GRM3: variants seen among roughly 807,000 people sequenced by gnomAD.
GRM3 encodes the protein metabotropic glutamate receptor 3.
A neutral mutation model predicts 70.5 loss-of-function variants in GRM3; 26 were observed. The observed-to-expected ratio is 0.37, with a 90% CI of 0.27 to 0.51. GRM3 has a LOEUF of 0.51. Ranked by LOEUF, GRM3 falls within the 20% of genes least tolerant of loss-of-function variation. The pLI is 0.93. For missense variants in GRM3, 859 were observed against 1,123.8 expected (o/e 0.76, Z 3.37); for synonymous variants, 443 against 434.9 (o/e 1.02, Z -0.23).
chr7:86,656,421 G>T (rs548271868), intron 1 of GRM3, among the ~76,000 whole-genome samples: 2 of 151,486 alleles, frequency 1.3e-5, no homozygotes, highest in South Asian at 2.1e-4. Flanking sequence ...GGCATGCACC[G>T]CCACGGCTGG....
intron 3 of GRM3, among the ~76,000 whole-genome samples, chr7:86,804,202 T>A (rs978262317): frequency 6.6e-6 from 1 of 152,124 alleles, no homozygotes; most frequent in Admixed American, 6.5e-5. Context: ...GTTATGATTG[T>A]CACTGGAGAT....
intron 1 of GRM3, among the ~76,000 whole-genome samples, chr7:86,747,343 C>T (rs1796126018): frequency 6.6e-6 from 1 of 151,972 alleles, no homozygotes; most frequent in Non-Finnish European, 1.5e-5. Context: ...AAAGGGATTT[C>T]AAAGCCATTA....
chr7:86,772,412 G>T (rs556249854), intron 2 of GRM3, among the ~76,000 whole-genome samples: 1 of 152,214 alleles, frequency 6.6e-6, no homozygotes, highest in South Asian at 2.1e-4. Context: ...GACAGACAAT[G>T]TTGCAAGGCG....
chr7:86,854,419 A>C (rs1798810632), intron 5 of GRM3, among the ~76,000 whole-genome samples: 1 of 152,198 alleles, frequency 6.6e-6, no homozygotes, highest in South Asian at 2.1e-4. Flanking sequence ...GACATGAAAG[A>C]ATGAACATGG....
At chr7:86,737,134 T>C (rs1795881167) in intron 1 of GRM3, among the ~76,000 whole-genome samples, 1 of 152,086 alleles carries the variant, frequency 6.6e-6, no homozygotes. Context: ...AAAACAGAAA[T>C]AAGCAAAACC....
intron 1 of GRM3, among the ~76,000 whole-genome samples, chr7:86,724,602 T>A (rs902444572): frequency 1.3e-5 from 2 of 152,116 alleles, no homozygotes; most frequent in Non-Finnish European, 2.9e-5. Context: ...GAATCAGTGT[T>A]CCTAACATTC....
chr7:86,817,750 C>A (rs1798044413), intron 3 of GRM3, among the ~76,000 whole-genome samples: 1 of 151,890 alleles, frequency 6.6e-6, no homozygotes, highest in Non-Finnish European at 1.5e-5. Flanking sequence ...TACCTTCTAG[C>A]CTACATTAAA....
intron 2 of GRM3, among the ~76,000 whole-genome samples, chr7:86,773,699 T>G (rs1796804469): frequency 6.6e-6 from 1 of 152,108 alleles, no homozygotes; most frequent in Non-Finnish European, 1.5e-5. Context: ...GGCAATGCCA[T>G]TCAAGGACTT....
At chr7:86,650,850 C>T (rs568384532) in intron 1 of GRM3, among the ~76,000 whole-genome samples, 1 of 152,252 alleles carries the variant, frequency 6.6e-6, no homozygotes, top group East Asian at 1.9e-4. Flanking sequence ...ACCTACTTCC[C>T]ACCAGGAAAA....
intron 3 of GRM3, among the ~76,000 whole-genome samples, chr7:86,809,292 C>T (rs1403111097): frequency 6.6e-6 from 1 of 151,932 alleles, no homozygotes; most frequent in Admixed American, 6.6e-5. Context: ...ACAGTACTTA[C>T]CAAAATAATA....
intron 5 of GRM3, among the ~76,000 whole-genome samples, chr7:86,861,623 A>T (rs1351164388): frequency 6.6e-6 from 1 of 152,192 alleles, no homozygotes; most frequent in Non-Finnish European, 1.5e-5. Context: ...ATTCCTAGAG[A>T]GGCAAAGGCT....
At chr7:86,825,728 T>C (rs769851626) in intron 3 of GRM3, among the ~76,000 whole-genome samples, 1 of 152,246 alleles carries the variant, frequency 6.6e-6, no homozygotes, top group Admixed American at 6.5e-5. Flanking sequence ...CTTCTTTATA[T>C]AAAGAAGTCT....
chr7:86,683,333 GA>G (rs1794486549), intron 1 of GRM3, among the ~76,000 whole-genome samples: 1 of 152,144 alleles, frequency 6.6e-6, no homozygotes, highest in South Asian at 2.1e-4. Flanking sequence ...TGGAGCAGAG[GA>G]AATAACAAGT....
intron 3 of GRM3, among the ~76,000 whole-genome samples, chr7:86,797,539 G>C (rs1283947343): frequency 6.6e-6 from 1 of 152,158 alleles, no homozygotes; most frequent in Non-Finnish European, 1.5e-5. Context: ...AAGGCATTCA[G>C]TTTTATGTAC....
At chr7:86,749,739 A>G (rs1796186554) in intron 1 of GRM3, among the ~76,000 whole-genome samples, 1 of 152,200 alleles carries the variant, frequency 6.6e-6, no homozygotes, top group East Asian at 1.9e-4. Context: ...AATATGTTCT[A>G]GGAAAGAGAA....
At chr7:86,731,158 A>G (rs1330147032) in intron 1 of GRM3, among the ~76,000 whole-genome samples, 1 of 152,074 alleles carries the variant, frequency 6.6e-6, no homozygotes, top group Non-Finnish European at 1.5e-5. Context: ...ATTTCCATCT[A>G]TCTTTTGGAT....
chr7:86,847,037 A>C (rs1233881360), intron 4 of GRM3, among the ~76,000 whole-genome samples: 1 of 152,190 alleles, frequency 6.6e-6, no homozygotes, highest in Non-Finnish European at 1.5e-5. Flanking sequence ...ACAGGGTTAC[A>C]CAAAGTAGTC....
Position 86,839,822 on chromosome 7 carries a change from T to G in GRM3, c.2308T>G (p.Phe770Val). 3 of 1,614,106 alleles carry G rather than the reference T, an allele frequency of 1.9e-6. No homozygotes were observed. The highest frequency in any genetic ancestry group is 2.5e-6 in the Non-Finnish European group (3 of 1,179,948). Reference protein sequence around the residue: ...KCPENFNEAKFIGFTMYTTCI... With the variant: ...KCPENFNEAKVIGFTMYTTCI... ...CCCAGAAAATTTCAACGAAGCTAAG[T>G]TCATAGGTTTTACCATGTACACCAC... is the stretch of plus-strand genomic sequence containing the variant. The change falls in exon 4 of 6, where the codon TTC becomes GTC. Residue 770 changes from phenylalanine to valine, a missense_variant. By Grantham distance (50) the Phe-to-Val change is conservative (BLOSUM62 -1). Transcript: ENST00000361669. This position sits in a 1 kb window ranked among gnomAD's most constrained non-coding sequence, Gnocchi z 4.5.
At chr7:86,797,406 G>A (rs1443615887) in intron 3 of GRM3, among the ~76,000 whole-genome samples, 1 of 152,214 alleles carries the variant, frequency 6.6e-6, no homozygotes, top group Non-Finnish European at 1.5e-5. Flanking sequence ...TTTTAGCAAA[G>A]AGACTGGCAG....
Sources: allele counts gnomAD v4.1 joint callset (sites outside exome capture counted in the v4.1 genomes callset), GRCh38; gene constraint gnomAD v4.1.1; non-coding constraint Gnocchi (gnomAD v3.1); transcripts MANE v1.5; gene names NCBI Gene and HGNC (gene_info 2026-07-23, HGNC 2026-07-21).